MYO3A: variants seen among roughly 807,000 people sequenced by gnomAD.
MYO3A encodes the protein myosin-IIIa.
A neutral mutation model predicts 192.7 loss-of-function variants in MYO3A; 180 were observed. The observed-to-expected ratio is 0.93, with a 90% CI of 0.83 to 1.06. The LOEUF is 1.06. MYO3A is among the 50% of genes least tolerant of loss of function. The pLI, the probability that MYO3A is intolerant of heterozygous loss-of-function variation, is 0.00. For missense variants in MYO3A, 1,896 were observed against 1,905.0 expected, an observed-to-expected ratio of 1.00 and a Z score of 0.09; for synonymous variants, 628 against 645.3, an observed-to-expected ratio of 0.97 and a Z score of 0.41.
intron 15 of MYO3A, among the ~76,000 whole-genome samples, chr10:26,090,735 A>G (rs1004804946): frequency 1.3e-5 from 2 of 152,224 alleles, no homozygotes; most frequent in Non-Finnish European, 2.9e-5. Flanking sequence ...ACTGTTATCA[A>G]TCAGGGTACT....
Position 26,010,468 on chromosome 10 carries a change from T to G in MYO3A, c.509-6352T>G, listed in dbSNP as rs370691648. Reference sequence around the variant, plus strand: ...AGTAGTTGTTTTTTTTTTTTTTTTTTTTTGTTTTGTTTTTTTATGGAGTCT... The same window carrying G: ...AGTAGTTGTTTTTTTTTTTTTTTTTGTTTGTTTTGTTTTTTTATGGAGTCT... On this transcript the variant is annotated intron_variant, in intron 6 of 34. Coordinates refer to ENST00000642920, the MANE Select transcript of MYO3A (RefSeq NM_017433.5). Among the ~76,000 whole-genome samples, 25 of 142,632 alleles carry G rather than the reference T, an allele frequency of 1.8e-4. No individual in the cohort carries two copies. The Middle Eastern group carries it at 0.014, about 82-fold the overall frequency. The allele number at this position is 142,632 out of a possible 152,430, so 93.6% of individuals were successfully genotyped here. A position where few individuals can be genotyped will look rare whatever the true frequency, so the allele number is the denominator to read the frequency against.
intron 6 of MYO3A, among the ~76,000 whole-genome samples, chr10:26,014,416 T>C (rs980577059): frequency 6.6e-6 from 1 of 152,126 alleles, no homozygotes; most frequent in African/African-American, 2.4e-5. Flanking sequence ...AAACTTTTGC[T>C]TGTTACTGCA....
At chr10:25,983,622 A>T (rs889508760) in intron 4 of MYO3A, among the ~76,000 whole-genome samples, 30 of 152,172 alleles carry the variant, frequency 2.0e-4, no homozygotes, top group African/African-American at 7.0e-4. Flanking sequence ...AAATATCCAA[A>T]CCTAAGAATA....
chr10:26,068,868 G>A lies in MYO3A; in HGVS notation c.1154G>A (p.Gly385Asp). The A allele has an allele frequency of 1.9e-6, 3 of 1,582,026 alleles. No homozygotes were observed. Among genetic ancestry groups the A allele is most frequent in the Non-Finnish European group, 1.7e-6 (2 of 1,151,086 alleles). ...GCTCTTAACCCTTTTCAGAGTCTGGGTCTTTACTCCACAAAGGTATGTCGT... is the reference window on the plus strand; with the variant it reads ...GCTCTTAACCCTTTTCAGAGTCTGGATCTTTACTCCACAAAGGTATGTCGT... ...LIALNPFQSL[G>D]LYSTKHSKLY... The change falls in exon 12 of 35, where the codon GGT becomes GAT. Residue 385 changes from glycine (G) to aspartate (D), a missense_variant. Physicochemically the swap from Gly to Asp is moderately conservative, Grantham distance 94. Transcript: ENST00000642920.
intron 31 of MYO3A, among the ~76,000 whole-genome samples, 196 bp downstream of exon 31, chr10:26,177,041 T>A (rs1842370934): frequency 6.6e-6 from 1 of 152,140 alleles, no homozygotes; most frequent in Admixed American, 6.5e-5. Flanking sequence ...TCTGACTTAA[T>A]TCCCCTCCAT....
At chr10:26,163,426 T>A (rs976789408) in intron 26 of MYO3A, among the ~76,000 whole-genome samples, 3 of 151,976 alleles carry the variant, frequency 2.0e-5, no homozygotes, top group East Asian at 1.9e-4. Flanking sequence ...GGAGTGACAG[T>A]GGAGGTAACT....
chr10:26,027,604 C>G (rs533223249), intron 10 of MYO3A, among the ~76,000 whole-genome samples: 17 of 152,252 alleles, frequency 1.1e-4, no homozygotes, highest in Admixed American at 1.1e-3. Flanking sequence ...CTCAGCCTCC[C>G]AAAAGACTAG....
At chr10:26,209,834 C>T (rs1057086227) in intron 34 of MYO3A, among the ~76,000 whole-genome samples, 3 of 152,300 alleles carry the variant, frequency 2.0e-5, no homozygotes, top group Admixed American at 1.3e-4. Flanking sequence ...GTGGGTCATG[C>T]CTGTAATCCC....
At chr10:26,002,766 A>G (rs1840925894) in intron 6 of MYO3A, among the ~76,000 whole-genome samples, 1 of 152,166 alleles carries the variant, frequency 6.6e-6, no homozygotes, top group Admixed American at 6.5e-5. Flanking sequence ...AAGGCAAAGA[A>G]TTGAACATAC....
rs779818103 is a variant in MYO3A at position 26,174,261 on chromosome 10, G to A, written c.3997G>A (p.Glu1333Lys). Reference protein sequence around the residue: ...RGRLRHETVKERQVEPVTQAQ... With the variant: ...RGRLRHETVKKRQVEPVTQAQ... Reference sequence around the variant, plus strand: ...CCGTCTGAGGCATGAGACAGTCAAAGAGAGGCAAGTTGAACCAGTGACACA... The same window carrying A: ...CCGTCTGAGGCATGAGACAGTCAAAAAGAGGCAAGTTGAACCAGTGACACA... Residue 1333 changes from glutamate to lysine, a missense_variant, in exon 30 of 35, where the codon GAG (glutamate) becomes AAG (lysine). Coordinates refer to ENST00000642920, the MANE Select transcript of MYO3A (RefSeq NM_017433.5). 3 of 1,614,054 alleles carry A rather than the reference G, an allele frequency of 1.9e-6. No homozygotes were observed. Among genetic ancestry groups the A allele is most frequent in the Non-Finnish European group, 2.5e-6 (3 of 1,179,976 alleles).
intron 6 of MYO3A, among the ~76,000 whole-genome samples, chr10:25,998,435 T>A (rs1385760848): frequency 6.6e-6 from 1 of 152,226 alleles, no homozygotes; most frequent in Non-Finnish European, 1.5e-5. Flanking sequence ...TGAAAACTTC[T>A]GAGCAGCAGT....
chr10:26,197,765 C>T (rs1010421261), intron 32 of MYO3A, among the ~76,000 whole-genome samples: 4 of 152,228 alleles, frequency 2.6e-5, no homozygotes, highest in South Asian at 2.1e-4. Flanking sequence ...GGGATTTCAC[C>T]ATGTTGGCTA....
At chr10:26,194,071 G>T (rs972560789) in intron 32 of MYO3A, among the ~76,000 whole-genome samples, 2 of 152,022 alleles carry the variant, frequency 1.3e-5, no homozygotes, top group Non-Finnish European at 2.9e-5. Context: ...TCTAACTGTG[G>T]CTTCTACCTG....
chr10:25,973,864 G>T (rs2130748724), intron 4 of MYO3A, among the ~76,000 whole-genome samples: 1 of 152,276 alleles, frequency 6.6e-6, no homozygotes, highest in Non-Finnish European at 1.5e-5. Flanking sequence ...TTAATAAATG[G>T]TGCTGGGACA....
intron 10 of MYO3A, among the ~76,000 whole-genome samples, chr10:26,048,553 A>ATGTG (rs1457312515): frequency 8.8e-6 from 1 of 113,838 alleles, no homozygotes; most frequent in South Asian, 3.0e-4. Flanking sequence ...ACATATATAC[A>ATGTG]TATGTGTGTG....
intron 14 of MYO3A, among the ~76,000 whole-genome samples, chr10:26,074,646 C>T (rs989791477): frequency 2.7e-5 from 4 of 148,106 alleles, no homozygotes; most frequent in African/African-American, 9.8e-5. Context: ...TATAATATAA[C>T]ATGTAATATA....
chr10:26,198,432 C>G (rs16926671), intron 32 of MYO3A, among the ~76,000 whole-genome samples: 1 of 152,172 alleles, frequency 6.6e-6, no homozygotes. Flanking sequence ...AACGAGTAAT[C>G]GAACACAATC....
chr10:26,015,435 A>G (rs1841937287), intron 6 of MYO3A, among the ~76,000 whole-genome samples: 1 of 152,060 alleles, frequency 6.6e-6, no homozygotes, highest in Non-Finnish European at 1.5e-5. Context: ...TTTAAAAGTG[A>G]TTTATGTCAA....
chr10:26,096,461 C>T lies in MYO3A; in HGVS notation c.1643C>T (p.Pro548Leu), dbSNP rs143918373. 24 of 1,613,530 alleles carry T rather than the reference C, an allele frequency of 1.5e-5. No individual in the cohort carries two copies. The highest frequency in any genetic ancestry group is 1.9e-5 in the Non-Finnish European group (23 of 1,179,732). The change falls in exon 16 of 35, where the codon CCT (proline) becomes CTT (leucine). Residue 548 changes from proline (P) to leucine (L), a missense_variant. Pro to Leu is a moderately conservative substitution (Grantham distance 98). Transcript: ENST00000642920. Reference protein sequence around the residue: ...EKKKLAHYKLPENKPPRYLQN... With the variant: ...EKKKLAHYKLLENKPPRYLQN... ...AAGAAACTAGCCCATTACAAACTGC[C>T]TGAAAATAAGCCTCCCAGGTAATCT... is the stretch of plus-strand genomic sequence containing the variant.
Sources: gnomAD v4.1 joint callset for allele counts (sites outside exome capture counted in the v4.1 genomes callset) on GRCh38, gnomAD v4.1.1 for gene constraint, MANE v1.5 for transcripts, NCBI Gene and HGNC (gene_info 2026-07-23, HGNC 2026-07-21) for gene names.